ATIC: variants seen among roughly 807,000 people sequenced by gnomAD.
ATIC encodes the protein 5-aminoimidazole-4-carboxamide ribonucleotide formyltransferase/IMP cyclohydrolase, also known as bifunctional purine biosynthesis protein ATIC.
A neutral mutation model predicts 72.5 loss-of-function variants in ATIC; 64 were observed. That is an observed-to-expected ratio of 0.88 (90% CI 0.72 to 1.09). The LOEUF (loss-of-function observed/expected upper bound fraction) is 1.09, where lower values mean the gene tolerates loss of function less well. Ranked by LOEUF, ATIC falls within the 50% of genes least tolerant of loss-of-function variation. The pLI is 0.00. For missense variants in ATIC, 787 were observed against 732.4 expected (o/e 1.07, Z -0.86); for synonymous variants, 281 against 267.1 (o/e 1.05, Z -0.51).
chr2:215,316,533 T>G (rs2052711543), intron 2 of ATIC, among the ~76,000 whole-genome samples: 1 of 152,180 alleles, frequency 6.6e-6, no homozygotes, highest in Admixed American at 6.5e-5. Flanking sequence ...CTGTGAATAA[T>G]CACTGTACTC....
the ATIC span, chr2:215,365,002 G>GACAGATGC: frequency 6.8e-7 from 1 of 1,461,414 alleles, no homozygotes; most frequent in Non-Finnish European, 9.4e-7. Flanking sequence ...ATAGACACAA[G>GACAGATGC]ACAGATGCAC....
At chr2:215,357,998 C>G in the ATIC span, among the ~76,000 whole-genome samples, 1 of 152,236 alleles carries the variant, frequency 6.6e-6, no homozygotes, top group South Asian at 2.1e-4. Flanking sequence ...GTTTCTTAAT[C>G]ACTTTAATGA....
At chr2:215,352,081 G>A (rs13028261), downstream of ATIC, among the ~76,000 whole-genome samples, 39,390 of 151,918 alleles carry the variant, frequency 0.26, 6,017 homozygotes, top group South Asian at 0.47. Context: ...AAGGAGATGT[G>A]GTGAGTAAAT....
At chr2:215,335,842 A>T (rs2052947763) in intron 10 of ATIC, among the ~76,000 whole-genome samples, 193 bp from the exon 11 acceptor site, 1 of 152,230 alleles carries the variant, frequency 6.6e-6, no homozygotes, top group South Asian at 2.1e-4. Context: ...GAGGACAGAA[A>T]GTTAGGATCT....
chr2:215,357,616 C>T, the ATIC span, among the ~76,000 whole-genome samples: 1 of 152,188 alleles, frequency 6.6e-6, no homozygotes, highest in African/African-American at 2.4e-5. Flanking sequence ...TCTTTTATTA[C>T]ATCTTTTCTT....
At chr2:215,367,799 A>T in the ATIC span, 1 of 1,521,092 alleles carries the variant, frequency 6.6e-7, no homozygotes. Flanking sequence ...TCCTTGGCAC[A>T]TGAGTGCATG....
chr2:215,350,546 T>G (rs1053922433), downstream of ATIC, among the ~76,000 whole-genome samples: 5 of 152,216 alleles, frequency 3.3e-5, no homozygotes, highest in African/African-American at 1.2e-4. Context: ...GTTTAAGTCT[T>G]GTTGACCCCC....
chr2:215,321,523 G>A (rs1043114291), intron 4 of ATIC, among the ~76,000 whole-genome samples: 4 of 152,180 alleles, frequency 2.6e-5, no homozygotes, highest in Non-Finnish European at 5.9e-5. Context: ...TGGTCATATG[G>A]TAACTATGTT....
intron 2 of ATIC, among the ~76,000 whole-genome samples, chr2:215,313,538 C>T (rs373096587): frequency 8.5e-5 from 13 of 152,080 alleles, no homozygotes; most frequent in Admixed American, 2.6e-4. Flanking sequence ...ATTTAATAAA[C>T]GGCAGTGAGA....
chr2:215,320,447 G>T (rs997146551), intron 4 of ATIC, among the ~76,000 whole-genome samples: 2 of 152,182 alleles, frequency 1.3e-5, no homozygotes, highest in Non-Finnish European at 2.9e-5. Flanking sequence ...TCAACTTCTG[G>T]TGAGGGCCTC....
the ATIC span, among the ~76,000 whole-genome samples, chr2:215,366,331 A>C: frequency 6.6e-6 from 1 of 152,130 alleles, no homozygotes; most frequent in Non-Finnish European, 1.5e-5. Context: ...CCTAGATGAA[A>C]AATCACTTTT....
In ATIC at chr2:215,319,592, C is replaced by T. The variant is rs2052745597; in HGVS notation, c.224-73C>T. 4 of 1,094,194 alleles carry T rather than the reference C, an allele frequency of 3.7e-6. No homozygotes were observed. In the Admixed American group the frequency reaches 5.1e-5, roughly 14 times the overall value. 67.8% of individuals were successfully genotyped at this position (1,094,194 alleles called of 1,614,324 possible). On this transcript the variant is annotated intron_variant, in intron 3 of 15. Transcript: ENST00000236959. ...ATGGGATTTAATTTGATTGAAGACACTATGTTGAAAGACATTCCTTAATCT... is the reference window on the plus strand; with the variant it reads ...ATGGGATTTAATTTGATTGAAGACATTATGTTGAAAGACATTCCTTAATCT...
Position 215,333,381 on chromosome 2 carries a change from T to G in ATIC, c.846T>G (p.Asp282Glu). Residue 282 changes from aspartate (D) to glutamate (E), a missense_variant, in exon 9 of 16, where the codon GAT (aspartate) becomes GAG (glutamate). Physicochemically the swap from Asp to Glu is conservative, Grantham distance 45 (BLOSUM62 2). Transcript: ENST00000236959. ...GAAVGIPLSEDEAKVCMVYDL... is the reference protein window; with the variant it reads ...GAAVGIPLSEEEAKVCMVYDL... ...CTGTTGGAATTCCACTCAGTGAAGA[T>G]GAGGCCAAAGTCTGCATGGTTTATG... 3 of 1,614,168 alleles carry G rather than the reference T, an allele frequency of 1.9e-6. No homozygotes were observed. Among genetic ancestry groups the G allele is most frequent in the Non-Finnish European group, 2.5e-6 (3 of 1,180,032 alleles).
intron 7 of ATIC, among the ~76,000 whole-genome samples, chr2:215,328,030 T>C (rs911893317): frequency 6.6e-6 from 1 of 151,890 alleles, no homozygotes; most frequent in Non-Finnish European, 1.5e-5. Context: ...CGCACCACAA[T>C]GCCTGGCTAG....
intron 12 of ATIC, among the ~76,000 whole-genome samples, chr2:215,340,696 A>T (rs1021423446): frequency 6.6e-6 from 1 of 152,072 alleles, no homozygotes; most frequent in African/African-American, 2.4e-5. Flanking sequence ...CTTTGTGAGG[A>T]CTGGTCTGTT....
chr2:215,312,138 C>A lies in ATIC; in HGVS notation c.-5C>A. ...CCGCTCGCCCTGAACCCAGTGCCTG[C>A]AGCCATGGCTCCCGGCCAGCTCGGT... On this transcript the variant is annotated 5_prime_UTR_variant, in exon 1 of 16. Transcript: ENST00000236959. The A allele has an allele frequency of 6.5e-7, 1 of 1,526,786 alleles. No homozygotes were observed. Among genetic ancestry groups the A allele is most frequent in the East Asian group, 2.5e-5 (1 of 40,000 alleles). 94.6% of individuals were successfully genotyped at this position (1,526,786 alleles called of 1,614,324 possible). A position where few individuals can be genotyped will look rare whatever the true frequency, so the allele number is the denominator to read the frequency against.
intron 2 of ATIC, among the ~76,000 whole-genome samples, chr2:215,314,811 G>T (rs1374684413): frequency 6.6e-6 from 1 of 152,124 alleles, no homozygotes; most frequent in African/African-American, 2.4e-5. Flanking sequence ...TGTAGGGGTG[G>T]AAAGGTGTGA....
chr2:215,360,255 C>T, the ATIC span, among the ~76,000 whole-genome samples: 1 of 152,160 alleles, frequency 6.6e-6, no homozygotes, highest in African/African-American at 2.4e-5. Context: ...CAAATTTAAT[C>T]CCAAAGTTTG....
chr2:215,342,117 G>A (rs570297010), intron 12 of ATIC, among the ~76,000 whole-genome samples: 1 of 152,218 alleles, frequency 6.6e-6, no homozygotes, highest in South Asian at 2.1e-4. Flanking sequence ...TGACACATGG[G>A]GATTATTATA....
Sources: allele counts gnomAD v4.1 joint callset (sites outside exome capture counted in the v4.1 genomes callset), GRCh38; gene constraint gnomAD v4.1.1; transcripts MANE v1.5; gene names NCBI Gene and HGNC (gene_info 2026-07-23, HGNC 2026-07-21).